The following KCNT2 variants were observed in gnomAD, a reference collection of about 807,000 sequenced individuals.
KCNT2 encodes the protein potassium channel subfamily T member 2.
A neutral mutation model predicts 153.8 loss-of-function variants in KCNT2; 67 were observed. The ratio of observed to expected loss-of-function variants is 0.44; its 90% confidence interval spans 0.36 to 0.53. The LOEUF (loss-of-function observed/expected upper bound fraction) is 0.53, where lower values mean the gene tolerates loss of function less well. Among genes scored for constraint, KCNT2 ranks in the 20% least tolerant of loss-of-function variants. The probability of loss-of-function intolerance (pLI) is 0.00; values close to 1 mark genes in which losing one functional copy is unlikely to be tolerated. For synonymous variants in KCNT2, 500 were observed against 458.8 expected (o/e 1.09, Z -1.15); for missense variants, 975 against 1,354.8 (o/e 0.72, Z 4.40).
At chr1:196,232,620 A>C (rs950216208) in intron 27 of KCNT2, among the ~76,000 whole-genome samples, 2 of 151,596 alleles carry the variant, frequency 1.3e-5, no homozygotes, top group African/African-American at 4.8e-5. Flanking sequence ...AGTCAAGTTG[A>C]TGTTTTAGCT....
intron 22 of KCNT2, among the ~76,000 whole-genome samples, chr1:196,298,069 T>G (rs1291348582): frequency 2.0e-5 from 3 of 152,184 alleles, no homozygotes; most frequent in African/African-American, 7.2e-5. Flanking sequence ...CCAGAAGATA[T>G]CTCCAATCAC....
chr1:196,257,233 C>G (rs1313321595), intron 26 of KCNT2: 1 of 984,836 alleles, frequency 1.0e-6, no homozygotes, highest in Non-Finnish European at 1.2e-6. Flanking sequence ...ACATAGCATG[C>G]TATGCATAGA....
chr1:196,275,605 T>G (rs1383926485), intron 25 of KCNT2, among the ~76,000 whole-genome samples: 1 of 151,908 alleles, frequency 6.6e-6, no homozygotes, highest in African/African-American at 2.4e-5. Flanking sequence ...ATCAGAGATA[T>G]AAAAAATGAT....
chr1:196,569,220 CTTCTAACTGCAAG>C (rs1347552234), intron 1 of KCNT2, among the ~76,000 whole-genome samples: 4 of 151,956 alleles, frequency 2.6e-5, no homozygotes, highest in African/African-American at 9.7e-5. Flanking sequence ...TAATTGATTA[CTTCTAACTGCAAG>C]TTCTAACTGC....
intron 12 of KCNT2, among the ~76,000 whole-genome samples, chr1:196,401,336 C>A (rs920082296): frequency 2.0e-5 from 3 of 151,708 alleles, no homozygotes; most frequent in Admixed American, 1.3e-4. Flanking sequence ...AAAAATGTGA[C>A]TTATTTGCAT....
At chr1:196,596,056 G>GTATATATATATATATATATATATA (rs1174131733) in intron 1 of KCNT2, among the ~76,000 whole-genome samples, 2 of 4,350 alleles carry the variant, frequency 4.6e-4, no homozygotes, top group African/African-American at 5.4e-4. Flanking sequence ...TCCATGATGT[G>GTATATATATATATATATATATATA]TATATATATA....
intron 25 of KCNT2, among the ~76,000 whole-genome samples, chr1:196,272,757 ATGT>A (rs1658190064): frequency 6.6e-6 from 1 of 151,888 alleles, no homozygotes; most frequent in East Asian, 1.9e-4. Context: ...AGGTTCATCC[ATGT>A]TGTTCTCCTT....
chr1:196,498,558 G>A (rs1411976377), intron 1 of KCNT2, among the ~76,000 whole-genome samples: 6 of 152,176 alleles, frequency 3.9e-5, no homozygotes, highest in African/African-American at 7.2e-5. Context: ...TTCAATGGAT[G>A]CACAGAAGTC....
chr1:196,365,141 G>A (rs951766871), intron 14 of KCNT2, among the ~76,000 whole-genome samples: 7 of 151,918 alleles, frequency 4.6e-5, no homozygotes, highest in African/African-American at 7.2e-5. Context: ...TTGTAATAAT[G>A]TGTTATCAGT....
chr1:196,534,245 A>G (rs1186822829), intron 1 of KCNT2, among the ~76,000 whole-genome samples: 1 of 152,184 alleles, frequency 6.6e-6, no homozygotes, highest in Non-Finnish European at 1.5e-5. Context: ...TTTTCAGTAT[A>G]TTTATGCTTT....
chr1:196,470,366 G>C (rs565227176), intron 5 of KCNT2, among the ~76,000 whole-genome samples: 3 of 152,156 alleles, frequency 2.0e-5, no homozygotes, highest in African/African-American at 7.2e-5. Context: ...CCTATTTTAA[G>C]GCAAAAGTGC....
At chr1:196,294,130 T>G (rs1300431507) in intron 22 of KCNT2, among the ~76,000 whole-genome samples, 1 of 151,934 alleles carries the variant, frequency 6.6e-6, no homozygotes, top group African/African-American at 2.4e-5. Context: ...ATCAGGGAAA[T>G]GCAAATTAAA....
At chr1:196,319,008 C>A (rs16839771) in intron 20 of KCNT2, among the ~76,000 whole-genome samples, 7,505 of 151,642 alleles carry the variant, frequency 0.049, 282 homozygotes, top group Non-Finnish European at 0.072. Flanking sequence ...ATGACCTTTT[C>A]ATTAACAAAT....
At chr1:196,333,803 G>C (rs1664722535) in intron 17 of KCNT2, 44 bp downstream of exon 17, 3 of 1,195,532 alleles carry the variant, frequency 2.5e-6, no homozygotes, top group Non-Finnish European at 3.7e-6. Context: ...AAGGACATTA[G>C]CACAAAACCC....
At chr1:196,560,592 A>T (rs1210792971) in intron 1 of KCNT2, among the ~76,000 whole-genome samples, 1 of 151,946 alleles carries the variant, frequency 6.6e-6, no homozygotes, top group Non-Finnish European at 1.5e-5. Context: ...AAAAGGGGTA[A>T]CATCCCTACC....
intron 21 of KCNT2, 83 bp downstream of exon 21, chr1:196,315,809 C>G: frequency 8.1e-7 from 1 of 1,241,180 alleles, no homozygotes; most frequent in Non-Finnish European, 1.1e-6. Context: ...GTCTCATGTT[C>G]ATTCCTCACA....
chr1:196,527,229 G>A (rs547605438), intron 1 of KCNT2, among the ~76,000 whole-genome samples: 3 of 152,206 alleles, frequency 2.0e-5, no homozygotes, highest in Non-Finnish European at 2.9e-5. Flanking sequence ...GCAAAAGAGC[G>A]TTTGAAATGG....
chr1:196,275,395 C>T (rs902521768), intron 25 of KCNT2, among the ~76,000 whole-genome samples: 3 of 15,130 alleles, frequency 2.0e-4, no homozygotes, highest in African/African-American at 5.8e-4. Context: ...TGTGCACCCT[C>T]ACTTTACTTT....
chr1:196,560,965 C>T (rs949286378), intron 1 of KCNT2, among the ~76,000 whole-genome samples: 1 of 151,774 alleles, frequency 6.6e-6, no homozygotes, highest in African/African-American at 2.4e-5. Flanking sequence ...TTTTCTACTG[C>T]CTTTGTGGTG....
Sources: allele counts gnomAD v4.1 joint callset (sites outside exome capture counted in the v4.1 genomes callset), GRCh38; gene constraint gnomAD v4.1.1; transcripts MANE v1.5; gene names NCBI Gene and HGNC (gene_info 2026-07-23, HGNC 2026-07-21).